FANCA: variants seen among roughly 807,000 people sequenced by gnomAD.
The protein encoded by FANCA is FA complementation group A.
A neutral mutation model predicts 194.3 loss-of-function variants in FANCA; 236 were observed. That is an observed-to-expected ratio of 1.21 (90% CI 1.09 to 1.35). The LOEUF (loss-of-function observed/expected upper bound fraction) is 1.35. FANCA is among the 40% of genes most tolerant of loss of function. FANCA has a pLI of 0.00. For synonymous variants in FANCA, 1,014 were observed against 715.8 expected, an observed-to-expected ratio of 1.42 and a Z score of -6.65; for missense variants, 2,628 against 1,813.9, an observed-to-expected ratio of 1.45 and a Z score of -8.15.
At chr16:89,777,363 C>T (rs370077242) in intron 20 of FANCA, among the ~76,000 whole-genome samples, 2 of 152,140 alleles carry the variant, frequency 1.3e-5, no homozygotes, top group East Asian at 3.9e-4. Context: ...GCCTGGGTGA[C>T]AGAGTGGGAC....
chr16:89,737,868 G>C lies in FANCA; in HGVS notation c.*733C>G. ...CTTCAAGCAGCGGAAGCACCTTCTC[G>C]TCCACCAAATGCGACATTCGGGAGC... On this transcript the variant is annotated 3_prime_UTR_variant, in exon 43 of 43. Coordinates refer to ENST00000389301, the MANE Select transcript of FANCA (RefSeq NM_000135.4). The C allele has an allele frequency of 2.5e-6, 4 of 1,614,152 alleles. No individual in the cohort carries two copies. Among genetic ancestry groups the C allele is most frequent in the Non-Finnish European group, 1.7e-6 (2 of 1,180,034 alleles).
intron 30 of FANCA, among the ~76,000 whole-genome samples, chr16:89,758,337 T>A (rs2038831232): frequency 6.6e-6 from 1 of 152,126 alleles, no homozygotes; most frequent in Non-Finnish European, 1.5e-5. Flanking sequence ...TAAGGCCTCA[T>A]CGGTGTGTGA....
At chr16:89,791,783 G>A (rs56153324) in intron 13 of FANCA, 144 bp downstream of exon 13, 6 of 1,111,398 alleles carry the variant, frequency 5.4e-6, no homozygotes, top group South Asian at 1.3e-5. Flanking sequence ...GACAAAGAAT[G>A]TTCCATCGAC....
chr16:89,796,867 C>G (rs2040265097), intron 10 of FANCA, among the ~76,000 whole-genome samples: 1 of 151,906 alleles, frequency 6.6e-6, no homozygotes, highest in African/African-American at 2.4e-5. Flanking sequence ...CTAAAAATAC[C>G]AAAATATTAG....
intron 5 of FANCA, among the ~76,000 whole-genome samples, chr16:89,808,877 G>C (rs918279383): frequency 6.6e-6 from 1 of 151,336 alleles, no homozygotes; most frequent in African/African-American, 2.4e-5. Context: ...TCTCCCTGCA[G>C]CCTCCCCTTC....
intron 37 of FANCA, 101 bp downstream of exon 37, chr16:89,742,699 T>TG: frequency 7.8e-7 from 1 of 1,290,250 alleles, no homozygotes; most frequent in Non-Finnish European, 1.1e-6. Context: ...GCCACATATT[T>TG]GTCTTTAGAA....
chr16:89,779,111 G>T, intron 18 of FANCA, 108 bp from the exon 19 acceptor site: 1 of 991,018 alleles, frequency 1.0e-6, no homozygotes, highest in Non-Finnish European at 1.6e-6. Context: ...TCACTCCAAA[G>T]CCACGATGCA....
At position 89,796,025 on chromosome 16, in the gene FANCA, A is replaced by T. The variant is rs2040234574; in HGVS notation, c.894-7T>A. On this transcript the variant is annotated splice_region_variant and splice_polypyrimidine_tract_variant and intron_variant, in intron 10 of 42. Transcript: ENST00000389301. ...TCCACTGAACACTCCGAACCTGCCAATGCAGCAGAAAGAGGGGTCAGGAAA... is the reference window on the plus strand; with the variant it reads ...TCCACTGAACACTCCGAACCTGCCATTGCAGCAGAAAGAGGGGTCAGGAAA... 5 of 1,610,898 alleles carry T rather than the reference A, an allele frequency of 3.1e-6. 1 individual carries two copies. The Admixed American group carries it at 8.3e-5, about 27-fold the overall frequency.
At chr16:89,775,659 G>C in intron 21 of FANCA, 83 bp downstream of exon 21, 1 of 1,160,604 alleles carries the variant, frequency 8.6e-7, no homozygotes. Context: ...AGCTCACTCG[G>C]GTGGTGTAGC....
At chr16:89,771,167 A>G (rs1287459146) in intron 23 of FANCA, among the ~76,000 whole-genome samples, 3 of 151,618 alleles carry the variant, frequency 2.0e-5, no homozygotes, top group African/African-American at 7.3e-5. Context: ...AAAAAAAAAA[A>G]AAAAAAAGAG....
rs1275732948 is a variant in FANCA at position 89,758,665 on chromosome 16, G to C, written c.2893C>G (p.Pro965Ala). 1 of 1,614,046 alleles carries C rather than the reference G, an allele frequency of 6.2e-7. No homozygotes were observed. Among genetic ancestry groups the C allele is most frequent in the Non-Finnish European group, 8.5e-7 (1 of 1,179,932 alleles). ...HQWAIHEHFL[P>A]ESSASGGCDG... ...CAGCCCCCTGAAGCCGAGGACTCAG[G>C]GAGAAAGTGCTCATGGATCGCCCAC... The change falls in exon 30 of 43, where the codon CCT becomes GCT. Residue 965 changes from proline to alanine, a missense_variant. Transcript: ENST00000389301.
chr16:89,738,196 A>G lies in FANCA; in HGVS notation c.*405T>C, dbSNP rs1489412334. On this transcript the variant is annotated 3_prime_UTR_variant, in exon 43 of 43. Transcript: ENST00000389301. ...GGCGGAACCACCACCTGGGCCACCG[A>G]GCCCCTCTGTGACCACAGAGGGCCA... 2 of 1,611,582 alleles carry G rather than the reference A, an allele frequency of 1.2e-6. No homozygotes were observed. Among genetic ancestry groups the G allele is most frequent in the Non-Finnish European group, 1.7e-6 (2 of 1,179,252 alleles).
At position 89,795,993 on chromosome 16, in the gene FANCA, G is replaced by T. The variant is rs1461342406; in HGVS notation, c.919C>A (p.Leu307Ile). 6.2e-7 allele frequency: 1 copy of T among 1,613,968 alleles called. No individual in the cohort carries two copies. The highest frequency in any genetic ancestry group is 8.5e-7 in the Non-Finnish European group (1 of 1,179,962). The change falls in exon 11 of 43, where the codon CTT becomes ATT. Residue 307 changes from leucine to isoleucine, a missense_variant. Physicochemically the swap from Leu to Ile is conservative, Grantham distance 5. Transcript: ENST00000389301. ...CWFGVFSGHT[L>I]GSVISTDPLK... ...GGATCTGTGGAAATTACACTGCCAA[G>T]CGTGTGTCCACTGAACACTCCGAAC...
At chr16:89,790,850 GA>G (rs2040046081) in intron 14 of FANCA, among the ~76,000 whole-genome samples, 2 of 151,614 alleles carry the variant, frequency 1.3e-5, no homozygotes, top group African/African-American at 2.4e-5. Flanking sequence ...TTCTTTTTGG[GA>G]TGGAGTCTCC....
At chr16:89,774,444 G>A (rs1468610044) in intron 21 of FANCA, among the ~76,000 whole-genome samples, 1 of 152,030 alleles carries the variant, frequency 6.6e-6, no homozygotes, top group African/African-American at 2.4e-5. Flanking sequence ...CTCTCAGGGT[G>A]GGTCGGCCGG....
At chr16:89,795,629 C>G (rs1391594595) in intron 11 of FANCA, among the ~76,000 whole-genome samples, 3 of 152,200 alleles carry the variant, frequency 2.0e-5, no homozygotes, top group African/African-American at 2.4e-5. Context: ...GTGAGTGAGA[C>G]TCTGACTCAA....
rs1046775469 is a variant in FANCA, at chr16:89,816,400, C to G, written c.79+137G>C. On this transcript the variant is annotated intron_variant, in intron 1 of 42. Coordinates refer to ENST00000389301, the MANE Select transcript of FANCA (RefSeq NM_000135.4). Reference sequence around the variant, plus strand: ...GCAGCCGCGCCGCCCCAGCCGGGCGCCCACCCCGCACAGCCCCCCGGGCGC... The same window carrying G: ...GCAGCCGCGCCGCCCCAGCCGGGCGGCCACCCCGCACAGCCCCCCGGGCGC... 7.1e-6 allele frequency: 5 copies of G among 701,000 alleles called. No homozygotes were observed. In the African/African-American group the frequency reaches 7.6e-5, roughly 11 times the overall value. The allele number at this position is 701,000 out of a possible 1,614,324, so 43.4% of individuals were successfully genotyped here.
chr16:89,778,655 AAAGT>A, intron 20 of FANCA, 142 bp downstream of exon 20: 2 of 674,782 alleles, frequency 3.0e-6, no homozygotes, highest in Non-Finnish European at 2.5e-6. Flanking sequence ...AAAAAAAAAA[AAAGT>A]AACCAACCAA....
chr16:89,780,623 C>CAA (rs11356898), intron 17 of FANCA, among the ~76,000 whole-genome samples: 61 of 140,086 alleles, frequency 4.4e-4, no homozygotes, highest in African/African-American at 1.4e-3. Flanking sequence ...GTCCCTGCAT[C>CAA]AAAAAAAAAA....
Sources: gnomAD v4.1 joint callset for allele counts (sites outside exome capture counted in the v4.1 genomes callset) on GRCh38, gnomAD v4.1.1 for gene constraint, MANE v1.5 for transcripts, NCBI Gene and HGNC (gene_info 2026-07-23, HGNC 2026-07-21) for gene names.